The following RTL4 variants were observed in gnomAD, a reference collection of about 807,000 sequenced individuals.
The protein encoded by RTL4 is retrotransposon Gag like 4, also known as retrotransposon Gag-like protein 4.
RTL4 carries 4 observed loss-of-function variants against 5.3 expected under a neutral mutation model. That is an observed-to-expected ratio of 0.75 (90% CI 0.37 to 1.72). The LOEUF (loss-of-function observed/expected upper bound fraction) is 1.72. Among genes scored for constraint, RTL4 ranks in the 40% most tolerant of loss-of-function variants. The probability of loss-of-function intolerance (pLI) is 0.04; values close to 1 mark genes in which losing one functional copy is unlikely to be tolerated. For missense variants in RTL4, 260 were observed against 227.1 expected (o/e 1.14, Z -0.93); for synonymous variants, 98 against 87.3 (o/e 1.12, Z -0.68).
At chrX:112,200,535 C>T in the RTL4 span, among the ~76,000 whole-genome samples, 2 of 111,674 alleles carry the variant, frequency 1.8e-5, no homozygotes, top group African/African-American at 3.3e-5. Flanking sequence ...CAAAAACTAA[C>T]GAAGGGGTCA....
the RTL4 span, among the ~76,000 whole-genome samples, chrX:112,311,892 G>A: frequency 9.0e-6 from 1 of 110,788 alleles, no homozygotes; most frequent in Non-Finnish European, 1.9e-5. Flanking sequence ...CAGAGTAGCT[G>A]CTCATATCTT....
chrX:112,124,677 G>A, the RTL4 span, among the ~76,000 whole-genome samples: 3 of 107,628 alleles, frequency 2.8e-5, no homozygotes, highest in Non-Finnish European at 3.8e-5. Context: ...CGGTTGTTGG[G>A]GGGGAGGGGA....
the RTL4 span, among the ~76,000 whole-genome samples, chrX:112,160,926 T>C: frequency 5.5e-4 from 60 of 110,074 alleles, 1 homozygote; most frequent in East Asian, 0.014. Flanking sequence ...ATGTTAACTG[T>C]GTGGAAACAG....
At chrX:112,085,682 A>G in the RTL4 span, among the ~76,000 whole-genome samples, 53 of 111,842 alleles carry the variant, frequency 4.7e-4, no homozygotes, top group African/African-American at 1.7e-3. Flanking sequence ...GGCATGGCCA[A>G]ATGTCCACTG....
chrX:112,360,732 T>G, the RTL4 span, among the ~76,000 whole-genome samples: 1 of 111,104 alleles, frequency 9.0e-6, no homozygotes, highest in South Asian at 3.8e-4. Flanking sequence ...TTTGGCAAGT[T>G]AGTTTATCAT....
At chrX:112,177,734 T>C in the RTL4 span, among the ~76,000 whole-genome samples, 1 of 111,231 alleles carries the variant, frequency 9.0e-6, no homozygotes, top group Non-Finnish European at 1.9e-5. Context: ...ACATGTTGTC[T>C]AACAGTTTTG....
chrX:112,303,389 A>C, the RTL4 span, among the ~76,000 whole-genome samples: 7 of 109,504 alleles, frequency 6.4e-5, no homozygotes, highest in Non-Finnish European at 1.1e-4. Context: ...AATTGTTTGG[A>C]GTTTTTGGAT....
chrX:112,151,968 A>C, the RTL4 span, among the ~76,000 whole-genome samples: 1 of 111,817 alleles, frequency 8.9e-6, no homozygotes, highest in Admixed American at 9.5e-5. Flanking sequence ...TTAAATTCAA[A>C]ATACAAAATA....
the RTL4 span, among the ~76,000 whole-genome samples, chrX:112,233,359 A>G: frequency 9.4e-6 from 1 of 106,023 alleles, no homozygotes; most frequent in East Asian, 2.9e-4. Context: ...AGCACAGAAG[A>G]AGTCTAAACA....
At chrX:112,186,261 A>G in the RTL4 span, among the ~76,000 whole-genome samples, 115 of 112,098 alleles carry the variant, frequency 1.0e-3, no homozygotes, top group African/African-American at 3.6e-3. Context: ...TTGGTGTAAT[A>G]TAGGGAAAGT....
chrX:112,296,391 C>A, the RTL4 span, among the ~76,000 whole-genome samples: 1 of 111,068 alleles, frequency 9.0e-6, no homozygotes, highest in Non-Finnish European at 1.9e-5. Context: ...ATGGCAGAAT[C>A]AAATAAGTTC....
the RTL4 span, among the ~76,000 whole-genome samples, chrX:112,245,618 A>G: frequency 1.5e-3 from 167 of 111,555 alleles, no homozygotes; most frequent in South Asian, 9.8e-3. Context: ...CAAGGTTTTT[A>G]TCTTCCTCGC....
chrX:112,367,909 G>C, the RTL4 span, among the ~76,000 whole-genome samples: 12 of 111,852 alleles, frequency 1.1e-4, no homozygotes, highest in Non-Finnish European at 2.3e-4. Context: ...GGAGTTCTAC[G>C]CATAGAGCAT....
At chrX:112,101,808 TATAA>T in the RTL4 span, among the ~76,000 whole-genome samples, 880 of 110,297 alleles carry the variant, frequency 8.0e-3, 3 homozygotes, top group African/African-American at 0.027. Flanking sequence ...TGAATGTCCT[TATAA>T]ATAGAGGGGA....
chrX:112,206,499 C>T, the RTL4 span, among the ~76,000 whole-genome samples: 2 of 111,508 alleles, frequency 1.8e-5, no homozygotes, highest in African/African-American at 6.5e-5. Flanking sequence ...CCTCTCTAGA[C>T]TTTCATGACA....
the RTL4 span, among the ~76,000 whole-genome samples, chrX:112,161,788 TCTTCCTTCCTTCCTTC>T: frequency 1.0e-3 from 76 of 75,466 alleles, no homozygotes; most frequent in South Asian, 1.6e-3. Context: ...AGGTTGCTTT[TCTTCCTTCCTTCCTTC>T]CTTCCTTCCT....
the RTL4 span, among the ~76,000 whole-genome samples, chrX:112,348,222 C>T: frequency 1.8e-5 from 2 of 109,550 alleles, no homozygotes; most frequent in African/African-American, 3.3e-5. Context: ...TTAGACATGG[C>T]GTCACAATTA....
chrX:112,368,185 G>A, the RTL4 span, among the ~76,000 whole-genome samples: 5 of 111,630 alleles, frequency 4.5e-5, no homozygotes, highest in Non-Finnish European at 9.4e-5. Flanking sequence ...TGGTTGGGTG[G>A]CTGTTTTAGT....
chrX:112,270,527 G>A, the RTL4 span, among the ~76,000 whole-genome samples: 1 of 111,721 alleles, frequency 9.0e-6, no homozygotes, highest in African/African-American at 3.3e-5. Flanking sequence ...TGTAGGACAG[G>A]TAAACTTTGT....
Sources: gnomAD v4.1 joint callset for allele counts (sites outside exome capture counted in the v4.1 genomes callset) on GRCh38, gnomAD v4.1.1 for gene constraint, MANE v1.5 for transcripts, NCBI Gene and HGNC (gene_info 2026-07-23, HGNC 2026-07-21) for gene names.